The following SAG variants were observed in gnomAD, a reference collection of about 807,000 sequenced individuals.
SAG encodes S-arrestin.
SAG carries 45 observed loss-of-function variants against 55.0 expected under a neutral mutation model. The observed-to-expected ratio is 0.82, with a 90% CI of 0.64 to 1.05. The LOEUF is 1.05. SAG is among the 50% of genes least tolerant of loss of function. SAG has a pLI of 0.00. For synonymous variants in SAG, 189 were observed against 197.4 expected (o/e 0.96, Z 0.36); for missense variants, 455 against 512.1 (o/e 0.89, Z 1.08).
chr2:233,327,360 G>GA (rs773130070), intron 7 of SAG, 163 bp downstream of exon 7: 43 of 514,570 alleles, frequency 8.4e-5, no homozygotes, highest in South Asian at 1.3e-4. Flanking sequence ...CATTTTTGGG[G>GA]AAAAAAAAGA....
At chr2:233,309,340 G>A in intron 2 of SAG, 76 bp downstream of exon 2, 1 of 1,328,032 alleles carries the variant, frequency 7.5e-7, no homozygotes. Flanking sequence ...GTACAGTGTA[G>A]TCATGATCAA....
At chr2:233,317,482 G>A (rs1006165049) in intron 3 of SAG, among the ~76,000 whole-genome samples, 13 of 152,158 alleles carry the variant, frequency 8.5e-5, no homozygotes, top group Non-Finnish European at 1.0e-4. Flanking sequence ...AACACAAAAC[G>A]TCTTTTAAAG....
chr2:233,319,533 T>C lies in SAG; in HGVS notation c.181+738T>C. ...GTTGCTACTGGCAACATCAAGGAAT[T>C]GTTCAGAACCCTGGATGTGCCACTG... On this transcript the variant is annotated intron_variant, in intron 4 of 15. Coordinates refer to ENST00000409110, the MANE Select transcript of SAG (RefSeq NM_000541.5). The surrounding 1 kb of genome is among the most constrained non-coding windows in gnomAD (Gnocchi z 4.4). The C allele has an allele frequency of 5.1e-6, 5 of 972,300 alleles. No individual in the cohort carries two copies. Among genetic ancestry groups the C allele is most frequent in the Non-Finnish European group, 6.1e-6 (5 of 815,870 alleles). The allele number at this position is 972,300 out of a possible 1,614,324, so 60.2% of individuals were successfully genotyped here.
chr2:233,334,218 G>C (rs961649349), intron 10 of SAG: 1 of 152,238 alleles, frequency 6.6e-6, no homozygotes, highest in African/African-American at 2.4e-5. Context: ...CTTAGCACTT[G>C]GCCTGGCACA....
intron 11 of SAG, among the ~76,000 whole-genome samples, chr2:233,337,750 G>T (rs1205617999): frequency 6.6e-6 from 1 of 152,070 alleles, no homozygotes; most frequent in Non-Finnish European, 1.5e-5. Context: ...GTAGCCTTCA[G>T]GTTTCTTGGG....
intron 11 of SAG, chr2:233,338,460 AGAG>A: frequency 3.5e-6 from 2 of 577,622 alleles, no homozygotes. Flanking sequence ...GGGAACTTCT[AGAG>A]GAGAAGACAC....
rs1700717733 is a variant in SAG, at chr2:233,330,479, TCCTTCCTTC to T, written c.733+904_733+912del. ...ATTCTAGACTTTTCCCTCCCTCCCT[TCCTTCCTTC>T]CTTCCTTCCTTCCTTCCTTCCTTCC... On this transcript the variant is annotated intron_variant, in intron 9 of 15. Transcript: ENST00000409110. Among the ~76,000 whole-genome samples the T allele has an allele frequency of 3.6e-4, 8 of 22,104 alleles. No individual in the cohort carries two copies. In the South Asian group the frequency reaches 0.011, roughly 30 times the overall value. The allele number at this position is 22,104 out of a possible 152,430, so 14.5% of individuals were successfully genotyped here.
chr2:233,330,527 TCCTTCCTTCCTTCCTC>T (rs1700724754), intron 9 of SAG, among the ~76,000 whole-genome samples: 1 of 140,608 alleles, frequency 7.1e-6, no homozygotes, highest in African/African-American at 2.8e-5. Flanking sequence ...CTTCCTTCCT[TCCTTCCTTCCTTCCTC>T]CCTTTCTTTC....
In SAG at chr2:233,321,791, T is replaced by C. The variant is rs1253494963; in HGVS notation, c.375+968T>C. On this transcript the variant is annotated intron_variant, in intron 5 of 15. Coordinates refer to ENST00000409110, the MANE Select transcript of SAG (RefSeq NM_000541.5). ...TTATTCTATGTTTATCACAACTGTT[T>C]TACAAAATCACATTTACAAAAAAGT... is the stretch of plus-strand genomic sequence containing the variant. Among the ~76,000 whole-genome samples, 3 of 152,100 alleles carry C rather than the reference T, an allele frequency of 2.0e-5. No individual in the cohort carries two copies. The East Asian group carries it at 5.8e-4, about 29-fold the overall frequency.
At chr2:233,308,410 T>C in intron 1 of SAG, among the ~76,000 whole-genome samples, 1 of 151,768 alleles carries the variant, frequency 6.6e-6, no homozygotes, top group East Asian at 1.9e-4. Context: ...GAGGCTGCGG[T>C]GAGCTATGAT....
intron 15 of SAG, 124 bp from the exon 16 acceptor site, chr2:233,346,683 C>T (rs1200467225): frequency 1.2e-5 from 9 of 771,892 alleles, no homozygotes; most frequent in Non-Finnish European, 1.8e-5. Flanking sequence ...AAATGGCGTG[C>T]CCCCATGTTC....
At position 233,319,526 on chromosome 2, in the gene SAG, A is replaced by G. The variant is rs563927692; in HGVS notation, c.181+731A>G. 1.1e-6 allele frequency: 1 copy of G among 949,432 alleles called. No homozygotes were observed. Among genetic ancestry groups the G allele is most frequent in the Non-Finnish European group, 1.3e-6 (1 of 794,452 alleles). 58.8% of individuals were successfully genotyped at this position (949,432 alleles called of 1,614,324 possible). On this transcript the variant is annotated intron_variant, in intron 4 of 15. Transcript: ENST00000409110. The surrounding 1 kb of genome is among the most constrained non-coding windows in gnomAD (Gnocchi z 4.4). Reference sequence around the variant, plus strand: ...TTTGAGTGTTGCTACTGGCAACATCAAGGAATTGTTCAGAACCCTGGATGT... The same window carrying G: ...TTTGAGTGTTGCTACTGGCAACATCGAGGAATTGTTCAGAACCCTGGATGT...
At chr2:233,310,769 A>G (rs1700057473) in intron 2 of SAG, among the ~76,000 whole-genome samples, 1 of 152,020 alleles carries the variant, frequency 6.6e-6, no homozygotes, top group South Asian at 2.1e-4. Flanking sequence ...GGCCTCCCCA[A>G]GTGCTGAGAT....
chr2:233,325,354 T>TAAAA lies in SAG; in HGVS notation c.436-1755_436-1752dup, dbSNP rs3085260. Among the ~76,000 whole-genome samples the TAAAA allele has an allele frequency of 1.9e-4, 27 of 143,020 alleles. 1 individual carries two copies. Among genetic ancestry groups the TAAAA allele is most frequent in the East Asian group, 4.1e-4 (2 of 4,910 alleles). 93.8% of individuals were successfully genotyped at this position (143,020 alleles called of 152,430 possible). On this transcript the variant is annotated intron_variant, in intron 6 of 15. Transcript: ENST00000409110. Reference sequence around the variant, plus strand: ...CTGAGCAACAGAGCAAGACTCCATCTAAAAAAAAAAAAAAATAGAACAGAA... The same window carrying TAAAA: ...CTGAGCAACAGAGCAAGACTCCATCTAAAAAAAAAAAAAAAAAAATAGAACAGAA...
In SAG at chr2:233,340,613, C is replaced by T; in HGVS notation, c.1046+135C>T. On this transcript the variant is annotated intron_variant, in intron 13 of 15. Coordinates refer to ENST00000409110, the MANE Select transcript of SAG (RefSeq NM_000541.5). This position sits in a 1 kb window ranked among gnomAD's most constrained non-coding sequence, Gnocchi z 4.2. ...CAGAGGTGTTAGGAATGATGCTTTG[C>T]CTTCGGATGCATCACAGAACCGTGG... The T allele has an allele frequency of 1.4e-6, 1 of 701,532 alleles. No individual in the cohort carries two copies. Among genetic ancestry groups the T allele is most frequent in the Non-Finnish European group, 2.5e-6 (1 of 396,492 alleles). The allele number at this position is 701,532 out of a possible 1,614,324, so 43.5% of individuals were successfully genotyped here. A position where few individuals can be genotyped will look rare whatever the true frequency, so the allele number is the denominator to read the frequency against.
chr2:233,310,838 G>T (rs1354198779), intron 2 of SAG, among the ~76,000 whole-genome samples: 1 of 151,976 alleles, frequency 6.6e-6, no homozygotes, highest in Non-Finnish European at 1.5e-5. Context: ...CCGGTATGGG[G>T]TCCAAAGAAC....
intron 14 of SAG, chr2:233,343,682 A>G (rs1185817857): frequency 2.4e-6 from 3 of 1,255,384 alleles, no homozygotes; most frequent in East Asian, 1.2e-4. Context: ...TTCTGAAGAA[A>G]CATTCTCTGC....
In SAG at chr2:233,331,709, C is replaced by T. The variant is rs199728349; in HGVS notation, c.803C>T (p.Ala268Val). The T allele has an allele frequency of 6.2e-6, 10 of 1,611,446 alleles. No homozygotes were observed. Among genetic ancestry groups the T allele is most frequent in the Non-Finnish European group, 8.5e-6 (10 of 1,177,772 alleles). ...GTCAAGCCCGTGGCTATGGAGGAAG[C>T]GCAGTGAGTAGCTGTTGGGGTTTCC... ...YYVKPVAMEE[A>V]QEKVPPNSTL... Residue 268 changes from alanine (A) to valine (V), a missense_variant, in exon 10 of 16, where the codon GCG (alanine) becomes GTG (valine). By Grantham distance (64) the Ala-to-Val change is moderately conservative. Transcript: ENST00000409110.
intron 11 of SAG, 47 bp from the exon 12 acceptor site, chr2:233,338,629 C>A: frequency 1.3e-6 from 2 of 1,544,820 alleles, no homozygotes; most frequent in Non-Finnish European, 8.9e-7. Flanking sequence ...CTGCTCTTCA[C>A]CCTCCTCTGC....
Sources: gnomAD v4.1 joint callset for allele counts (sites outside exome capture counted in the v4.1 genomes callset) on GRCh38, gnomAD v4.1.1 for gene constraint, Gnocchi (gnomAD v3.1) non-coding constraint, MANE v1.5 for transcripts, NCBI Gene and HGNC (gene_info 2026-07-23, HGNC 2026-07-21) for gene names.